The following SCARA5 variants were observed in gnomAD, a reference collection of about 807,000 sequenced individuals.
The protein encoded by SCARA5 is scavenger receptor class A member 5.
Under a neutral mutation model 46.3 loss-of-function variants are expected in SCARA5, and 45 were observed. The observed-to-expected ratio is 0.97, with a 90% CI of 0.76 to 1.24. The LOEUF is 1.24. SCARA5 is among the 50% of genes most tolerant of loss of function. The pLI, the probability that SCARA5 is intolerant of heterozygous loss-of-function variation, is 0.00. For synonymous variants in SCARA5, 333 were observed against 306.5 expected, an observed-to-expected ratio of 1.09 and a Z score of -0.90; for missense variants, 680 against 689.0, an observed-to-expected ratio of 0.99 and a Z score of 0.15.
intron 2 of SCARA5, 38 bp from the exon 3 acceptor site, chr8:27,966,580 A>C (rs745918631): frequency 4.1e-5 from 64 of 1,567,958 alleles, no homozygotes; most frequent in Non-Finnish European, 5.2e-5. Flanking sequence ...GAAAGAAGAC[A>C]CTTAAAAACC....
chr8:27,961,823 C>A (rs1320152101), intron 3 of SCARA5, among the ~76,000 whole-genome samples: 1 of 152,198 alleles, frequency 6.6e-6, no homozygotes, highest in Non-Finnish European at 1.5e-5. Flanking sequence ...CCCTGGGTAG[C>A]AATTCCATAT....
chr8:27,901,261 C>T (rs929101654), intron 7 of SCARA5, among the ~76,000 whole-genome samples: 6 of 152,276 alleles, frequency 3.9e-5, no homozygotes, highest in South Asian at 4.2e-4. Context: ...TCCCCATCTG[C>T]TGGAACTTCA....
At chr8:27,910,706 A>G (rs1215376406) in intron 4 of SCARA5, among the ~76,000 whole-genome samples, 2 of 152,226 alleles carry the variant, frequency 1.3e-5, no homozygotes, top group Non-Finnish European at 2.9e-5. Flanking sequence ...TCAGGGACAC[A>G]TACAAAAGCT....
At chr8:27,885,816 G>A (rs1164705559) in intron 7 of SCARA5, among the ~76,000 whole-genome samples, 1 of 152,224 alleles carries the variant, frequency 6.6e-6, no homozygotes, top group Admixed American at 6.5e-5. Flanking sequence ...CATGGTGGGT[G>A]CAATGGGAAG....
chr8:27,931,349 A>C (rs1303211823), intron 3 of SCARA5, among the ~76,000 whole-genome samples: 3 of 152,192 alleles, frequency 2.0e-5, no homozygotes, highest in Non-Finnish European at 4.4e-5. Context: ...CCTAAGGCAC[A>C]ATGAAGCCTG....
In SCARA5 at chr8:27,890,864, T is replaced by A. The variant is rs566915404; in HGVS notation, c.1154-11098A>T. Among the ~76,000 whole-genome samples, 289 of 152,328 alleles carry A rather than the reference T, an allele frequency of 1.9e-3. 1 individual carries two copies. Among genetic ancestry groups the A allele is most frequent in the Non-Finnish European group, 3.5e-3 (238 of 68,034 alleles). On this transcript the variant is annotated intron_variant, in intron 7 of 8. Transcript: ENST00000354914. ...ATCTAGCCTTGGGGACACAGAGGTA[T>A]TTCACCCTGTCTCTTCTTTGGATGC...
intron 8 of SCARA5, among the ~76,000 whole-genome samples, chr8:27,874,332 T>A (rs911050326): frequency 5.9e-5 from 9 of 152,184 alleles, no homozygotes; most frequent in African/African-American, 2.2e-4. Context: ...TCTAGGAAAG[T>A]AATTATTGAG....
intron 2 of SCARA5, among the ~76,000 whole-genome samples, chr8:27,982,471 C>T (rs1240313738): frequency 2.0e-5 from 3 of 152,132 alleles, no homozygotes; most frequent in African/African-American, 4.8e-5. Context: ...CATCAGAGGC[C>T]GCTAGAGGCA....
intron 7 of SCARA5, among the ~76,000 whole-genome samples, chr8:27,897,575 G>C (rs1232375489): frequency 6.6e-6 from 1 of 152,264 alleles, no homozygotes; most frequent in East Asian, 1.9e-4. Flanking sequence ...CAAAGCCACT[G>C]CATGTCTGCC....
chr8:27,909,829 T>G (rs2129773206), intron 4 of SCARA5, 86 bp from the exon 5 acceptor site: 1 of 840,876 alleles, frequency 1.2e-6, no homozygotes, highest in Non-Finnish European at 1.9e-6. Context: ...AAACGCCCTC[T>G]CTGAGGAGAG....
intron 7 of SCARA5, among the ~76,000 whole-genome samples, chr8:27,887,721 C>G (rs966406873): frequency 3.9e-5 from 6 of 152,168 alleles, no homozygotes; most frequent in Admixed American, 1.3e-4. Context: ...CTGGGGACCA[C>G]AAGCCCGAGA....
At chr8:27,989,129 C>CTTTTTTTTTTTTTTTT (rs34929623) in intron 1 of SCARA5, among the ~76,000 whole-genome samples, 5 of 68,316 alleles carry the variant, frequency 7.3e-5, no homozygotes, top group Admixed American at 2.2e-4. Flanking sequence ...TTCTTTCTTT[C>CTTTTTTTTTTTTTTTT]TTTTTTTTTT....
At chr8:27,916,364 T>G (rs775372361) in intron 4 of SCARA5, among the ~76,000 whole-genome samples, 2 of 152,172 alleles carry the variant, frequency 1.3e-5, no homozygotes, top group African/African-American at 2.4e-5. Context: ...TACATGTGCA[T>G]GTGTGTGTAC....
chr8:27,921,167 A>G (rs1158418455), intron 4 of SCARA5, among the ~76,000 whole-genome samples: 1 of 152,192 alleles, frequency 6.6e-6, no homozygotes. Flanking sequence ...GAATGACACT[A>G]GAGGAGCCCC....
chr8:27,913,257 C>A (rs1025057043), intron 4 of SCARA5, among the ~76,000 whole-genome samples: 1 of 152,100 alleles, frequency 6.6e-6, no homozygotes, highest in Non-Finnish European at 1.5e-5. Context: ...AAGGTGGGCA[C>A]CAATTCCCAA....
In SCARA5 at chr8:27,921,978, A is replaced by G. The variant is rs781422026; in HGVS notation, c.509T>C (p.Leu170Pro). Residue 170 changes from leucine (L) to proline (P), a missense_variant, in exon 4 of 9, where the codon CTG becomes CCG. Around this residue, in one of 3 missense-constraint regions of SCARA5, gnomAD observed 438 missense variants for 384.5 expected, o/e 1.14. Coordinates refer to ENST00000354914, the MANE Select transcript of SCARA5 (RefSeq NM_173833.6). ...GCTCTGCTGGCCCGTGCGGTCCCGC[A>G]GCAGGGCCACCGCCTGCTCGGTCTG... is the stretch of plus-strand genomic sequence containing the variant. ...AVQTEQAVAL[L>P]RDRTGQQSDT... 5 of 1,544,932 alleles carry G rather than the reference A, an allele frequency of 3.2e-6. No homozygotes were observed. The highest frequency in any genetic ancestry group is 4.3e-6 in the Non-Finnish European group (5 of 1,153,972).
chr8:27,953,060 T>G (rs2685413), intron 3 of SCARA5, among the ~76,000 whole-genome samples: 39,863 of 152,194 alleles, frequency 0.26, 5,378 homozygotes, highest in Non-Finnish European at 0.28. Flanking sequence ...CTGCATCCTT[T>G]CTCTCTTCCT....
chr8:27,957,735 T>C (rs1206181252), intron 3 of SCARA5, among the ~76,000 whole-genome samples: 1 of 152,216 alleles, frequency 6.6e-6, no homozygotes, highest in Non-Finnish European at 1.5e-5. Context: ...ATTTATAAAC[T>C]GAGCTATTTT....
Position 27,904,786 on chromosome 8 carries a change from C to A in SCARA5, c.1145G>T (p.Gly382Val). Reference protein sequence around the residue: ...GEKGEKGDRAGDASGVEAPMM... With the variant: ...GEKGEKGDRAVDASGVEAPMM... The stretch of plus-strand genomic sequence containing the variant: ...CAGCAGAATGTCCTTACTGGCATCC[C>A]CAGCTCTGTCTCCTTTCTCTCCTTT... The change falls in exon 7 of 9, where the codon GGG becomes GTG. Residue 382 changes from glycine to valine, a missense_variant. By Grantham distance (109) the Gly-to-Val change is moderately radical (BLOSUM62 -3). This residue lies in a region of SCARA5 where 219 missense variants were observed against 269.5 expected (regional missense o/e 0.81). Coordinates refer to ENST00000354914, the MANE Select transcript of SCARA5 (RefSeq NM_173833.6). The A allele has an allele frequency of 6.2e-7, 1 of 1,614,010 alleles. No individual in the cohort carries two copies. Among genetic ancestry groups the A allele is most frequent in the Non-Finnish European group, 8.5e-7 (1 of 1,179,854 alleles).
Sources: gnomAD v4.1 joint callset for allele counts (sites outside exome capture counted in the v4.1 genomes callset) on GRCh38, gnomAD v4.1.1 for gene constraint, gnomAD v4.1.1 regional missense constraint, MANE v1.5 for transcripts, NCBI Gene and HGNC (gene_info 2026-07-23, HGNC 2026-07-21) for gene names.